ESF1: variants seen among roughly 807,000 people sequenced by gnomAD.
The protein encoded by ESF1 is ESF1 homolog.
Under a neutral mutation model 92.0 loss-of-function variants are expected in ESF1, and 58 were observed. The ratio of observed to expected loss-of-function variants is 0.63; its 90% CI spans 0.51 to 0.78. The LOEUF is 0.78. Among genes scored for constraint, ESF1 ranks in the 30% least tolerant of loss-of-function variants. The probability of loss-of-function intolerance (pLI) is 0.00; values close to 1 mark genes in which losing one functional copy is unlikely to be tolerated. For synonymous variants in ESF1, 321 were observed against 313.7 expected, an observed-to-expected ratio of 1.02 and a Z score of -0.24; for missense variants, 922 against 989.1, an observed-to-expected ratio of 0.93 and a Z score of 0.91.
intron 10 of ESF1, among the ~76,000 whole-genome samples, chr20:13,729,462 A>C (rs1420753976): frequency 6.6e-6 from 1 of 152,226 alleles, no homozygotes; most frequent in Admixed American, 6.5e-5. Context: ...TAGGAGGGAC[A>C]AAGTGATGCA....
chr20:13,760,776 C>T (rs34379021), intron 8 of ESF1, among the ~76,000 whole-genome samples: 25,577 of 150,230 alleles, frequency 0.17, 2,803 homozygotes, highest in Non-Finnish European at 0.24. Flanking sequence ...AGCCCCCGCC[C>T]GGCCAGCCAC....
At chr20:13,768,602 A>G (rs1979536503) in intron 7 of ESF1, among the ~76,000 whole-genome samples, 1 of 149,624 alleles carries the variant, frequency 6.7e-6, no homozygotes, top group African/African-American at 2.5e-5. Flanking sequence ...AAAAAAAAAG[A>G]AAAGGGAGAA....
At position 13,766,817 on chromosome 20, in the gene ESF1, G is replaced by C. The variant is rs754103741; in HGVS notation, c.1626C>G (p.Ser542=). ...LDMDFQAYLA[S]SSEDEEEIEE... is the part of the protein sequence containing the mutation. ...CTATCTCCTCTTCATCTTCACTAGA[G>C]GAAGCTAAGTAGGCTTGAAAATCCA... The change falls in exon 8 of 14, where the codon TCC becomes TCG. Residue 542 remains serine, a synonymous_variant. Coordinates refer to ENST00000617257, the MANE Select transcript of ESF1 (RefSeq NM_001276380.2). 11 of 1,613,752 alleles carry C rather than the reference G, an allele frequency of 6.8e-6. No individual in the cohort carries two copies. The highest frequency in any genetic ancestry group is 8.5e-6 in the Non-Finnish European group (10 of 1,179,866).
chr20:13,749,729 C>G (rs974644603), intron 9 of ESF1, among the ~76,000 whole-genome samples: 1 of 151,870 alleles, frequency 6.6e-6, no homozygotes, highest in Non-Finnish European at 1.5e-5. Flanking sequence ...CCATGCCTGG[C>G]TAATTTTTTG....
intron 9 of ESF1, among the ~76,000 whole-genome samples, chr20:13,759,106 C>T (rs1383280649): frequency 6.6e-6 from 1 of 152,174 alleles, no homozygotes; most frequent in Non-Finnish European, 1.5e-5. Context: ...TACTGGGTAA[C>T]AAACTGCAGA....
chr20:13,719,169 C>T (rs921580972), intron 11 of ESF1, among the ~76,000 whole-genome samples, 185 bp from the exon 12 acceptor site: 6 of 152,122 alleles, frequency 3.9e-5, no homozygotes, highest in Non-Finnish European at 5.9e-5. Context: ...AAATACAATG[C>T]TTCTGCATGG....
chr20:13,744,642 T>C (rs1471121338), intron 9 of ESF1, among the ~76,000 whole-genome samples: 1 of 152,210 alleles, frequency 6.6e-6, no homozygotes, highest in African/African-American at 2.4e-5. Flanking sequence ...TCAGTAATGT[T>C]TCCCCCTCAG....
At chr20:13,771,713 T>C (rs189623451) in intron 5 of ESF1, among the ~76,000 whole-genome samples, 23 of 152,230 alleles carry the variant, frequency 1.5e-4, no homozygotes, top group Non-Finnish European at 1.0e-4. Context: ...AAGGAGTGTG[T>C]GGGAATTCGT....
intron 9 of ESF1, among the ~76,000 whole-genome samples, chr20:13,744,373 A>C (rs1403716621): frequency 1.3e-5 from 2 of 152,246 alleles, no homozygotes; most frequent in African/African-American, 2.4e-5. Flanking sequence ...GAATACATGA[A>C]TAGACATTCT....
intron 9 of ESF1, among the ~76,000 whole-genome samples, chr20:13,752,007 T>TAAAATA (rs1241246857): frequency 2.8e-4 from 42 of 151,646 alleles, no homozygotes; most frequent in African/African-American, 9.4e-4. Context: ...ATAAATAAAA[T>TAAAATA]AAAATAAAAA....
intron 9 of ESF1, among the ~76,000 whole-genome samples, chr20:13,737,059 A>G (rs879811867): frequency 6.6e-6 from 1 of 152,194 alleles, no homozygotes; most frequent in Admixed American, 6.5e-5. Flanking sequence ...TCTTGGCATA[A>G]GTACGAGAAC....
At chr20:13,754,171 C>G (rs1978771418) in intron 9 of ESF1, among the ~76,000 whole-genome samples, 1 of 152,192 alleles carries the variant, frequency 6.6e-6, no homozygotes, top group African/African-American at 2.4e-5. Flanking sequence ...CCCACAAAAA[C>G]CATTCAATAT....
At chr20:13,771,130 G>A (rs867761040) in intron 6 of ESF1, among the ~76,000 whole-genome samples, 11 of 152,146 alleles carry the variant, frequency 7.2e-5, no homozygotes, top group South Asian at 2.1e-4. Flanking sequence ...ACAAAGATGT[G>A]GGGATGATTC....
At chr20:13,775,582 T>G (rs925314765) in intron 3 of ESF1, among the ~76,000 whole-genome samples, 2 of 152,190 alleles carry the variant, frequency 1.3e-5, no homozygotes, top group Non-Finnish European at 2.9e-5. Context: ...AAGTTGAGTA[T>G]GTTACCCTGC....
At chr20:13,719,069 A>G (rs951857167) in intron 11 of ESF1, 85 bp from the exon 12 acceptor site, 3 of 814,834 alleles carry the variant, frequency 3.7e-6, no homozygotes, top group Admixed American at 3.5e-5. Flanking sequence ...AAAATATAAG[A>G]TATCTAGGAA....
chr20:13,765,115 T>C (rs1979375353), intron 8 of ESF1, among the ~76,000 whole-genome samples: 1 of 151,854 alleles, frequency 6.6e-6, no homozygotes, highest in African/African-American at 2.4e-5. Context: ...CCCAGCTACT[T>C]GGGAGGCTGA....
chr20:13,723,232 T>G (rs1374875331), intron 11 of ESF1, among the ~76,000 whole-genome samples: 1 of 152,266 alleles, frequency 6.6e-6, no homozygotes, highest in East Asian at 1.9e-4. Flanking sequence ...ACTGACCAGA[T>G]GGGAGTGGTA....
intron 10 of ESF1, among the ~76,000 whole-genome samples, chr20:13,731,906 G>A (rs1372801497): frequency 6.6e-6 from 1 of 152,224 alleles, no homozygotes; most frequent in Non-Finnish European, 1.5e-5. Context: ...GAGGTTCCTG[G>A]AGGGTGGAGC....
At chr20:13,749,462 T>C (rs1978521595) in intron 9 of ESF1, among the ~76,000 whole-genome samples, 1 of 152,150 alleles carries the variant, frequency 6.6e-6, no homozygotes. Flanking sequence ...TTACTTATCT[T>C]TGGGCATACA....
Sources: gnomAD v4.1 joint callset for allele counts (sites outside exome capture counted in the v4.1 genomes callset) on GRCh38, gnomAD v4.1.1 for gene constraint, MANE v1.5 for transcripts, NCBI Gene and HGNC (gene_info 2026-07-23, HGNC 2026-07-21) for gene names.